The following FOXN4 variants were observed in gnomAD, a reference collection of about 807,000 sequenced individuals.
FOXN4 encodes the protein forkhead box N4, also known as forkhead box protein N4.
Under a neutral mutation model 45.0 loss-of-function variants are expected in FOXN4, and 12 were observed. The observed-to-expected ratio is 0.27, with a 90% CI of 0.17 to 0.43. The LOEUF is 0.43. FOXN4 is among the 20% of genes least tolerant of loss of function. FOXN4 has a pLI of 1.00. For missense variants in FOXN4, 560 were observed against 694.9 expected (o/e 0.81, Z 2.18); for synonymous variants, 297 against 295.0 (o/e 1.01, Z -0.07).
intron 9 of FOXN4, 47 bp downstream of exon 9, chr12:109,281,360 T>C: frequency 6.3e-7 from 1 of 1,599,928 alleles, no homozygotes; most frequent in African/African-American, 1.3e-5. Context: ...CCCCCGGGCC[T>C]CTCCCCTCCC....
chr12:109,285,436 T>G lies in FOXN4; in HGVS notation c.769A>C (p.Lys257Gln), dbSNP rs147176302. ...LNKCFEKVEN[K>Q]MSGSSRKGCL... Reference sequence around the variant, plus strand: ...CCCTTGCGGGAGGAGCCGCTCATCTTGTTCTCCACCTTCTCGAAGCACTTG... The same window carrying G: ...CCCTTGCGGGAGGAGCCGCTCATCTGGTTCTCCACCTTCTCGAAGCACTTG... The change falls in exon 8 of 10, where the codon AAG becomes CAG. Residue 257 changes from lysine to glutamine, a missense_variant. Lys to Gln is a moderately conservative substitution (Grantham distance 53, BLOSUM62 1). Transcript: ENST00000299162. 5.7e-4 allele frequency: 919 copies of G among 1,613,970 alleles called. 1 individual carries two copies. The highest frequency in any genetic ancestry group is 8.2e-4 in the Middle Eastern group (5 of 6,084).
At chr12:109,284,146 T>C (rs1327362396) in intron 8 of FOXN4, among the ~76,000 whole-genome samples, 1 of 152,272 alleles carries the variant, frequency 6.6e-6, no homozygotes, top group Non-Finnish European at 1.5e-5. Flanking sequence ...TAAACATCTC[T>C]GACAATGTGG....
At position 109,288,323 on chromosome 12, in the gene FOXN4, C is replaced by G. The variant is rs117979214; in HGVS notation, c.233-143G>C. ...CACATAGTAGGTGCTTGGCAAATCACTTCCCTGGTGTGTAGTGAAAAGTAG... is the reference window on the plus strand; with the variant it reads ...CACATAGTAGGTGCTTGGCAAATCAGTTCCCTGGTGTGTAGTGAAAAGTAG... On this transcript the variant is annotated intron_variant, in intron 3 of 9. Transcript: ENST00000299162. The surrounding 1 kb of genome is among the most constrained non-coding windows in gnomAD (Gnocchi z 4.3). The G allele has an allele frequency of 1.7e-6, 2 of 1,183,634 alleles. No individual in the cohort carries two copies. Among genetic ancestry groups the G allele is most frequent in the Admixed American group, 6.1e-5 (2 of 32,778 alleles). 73.3% of individuals were successfully genotyped at this position (1,183,634 alleles called of 1,614,324 possible). A position where few individuals can be genotyped will look rare whatever the true frequency, so the allele number is the denominator to read the frequency against.
chr12:109,288,244 C>CCCAGTG lies in FOXN4; in HGVS notation c.233-70_233-65dup, dbSNP rs2047734588. The CCCAGTG allele has an allele frequency of 2.0e-6, 3 of 1,519,824 alleles. No individual in the cohort carries two copies. The highest frequency in any genetic ancestry group is 2.6e-6 in the Non-Finnish European group (3 of 1,139,778). 94.1% of individuals were successfully genotyped at this position (1,519,824 alleles called of 1,614,324 possible). On this transcript the variant is annotated intron_variant, in intron 3 of 9. Transcript: ENST00000299162. The surrounding 1 kb of genome is among the most constrained non-coding windows in gnomAD (Gnocchi z 4.3). ...GAATGGTGGCTGCCACCAGGAACAG[C>CCCAGTG]CCAGTGCCCAGGTGTCTCCGGAGAA... is the stretch of plus-strand genomic sequence containing the variant.
At position 109,306,544 on chromosome 12, in the gene FOXN4, A is replaced by G. The variant is rs546222316; in HGVS notation, c.86+1692T>C. On this transcript the variant is annotated intron_variant, in intron 2 of 9. Transcript: ENST00000299162. ...GGGCAGAAGTAGATTCACCCTGGAT[A>G]CATTCAGTGCCTGCTGGGTGTCAGG... 4.1e-4 allele frequency among the ~76,000 whole-genome samples: 62 copies of G among 152,358 alleles called. 1 individual carries two copies. The highest frequency in any genetic ancestry group is 3.4e-3 in the Admixed American group (52 of 15,310).
In FOXN4 at chr12:109,287,242, G is replaced by A. The variant is rs2136922129; in HGVS notation, c.596+155C>T. The stretch of plus-strand genomic sequence containing the variant: ...GGGGGACCCTATGATGCGCCTTCCT[G>A]AGAACAAGTCCCACCTGGGGGTTCC... On this transcript the variant is annotated intron_variant, in intron 6 of 9. Coordinates refer to ENST00000299162, the MANE Select transcript of FOXN4 (RefSeq NM_213596.3). This position sits in a 1 kb window ranked among gnomAD's most constrained non-coding sequence, Gnocchi z 4.1. Among the ~76,000 whole-genome samples, 1 of 152,278 alleles carries A rather than the reference G, an allele frequency of 6.6e-6. No individual in the cohort carries two copies. Among genetic ancestry groups the A allele is most frequent in the Non-Finnish European group, 1.5e-5 (1 of 68,012 alleles).
chr12:109,285,308 G>C lies in FOXN4; in HGVS notation c.897C>G (p.Asn299Lys). 1 of 1,605,410 alleles carries C rather than the reference G, an allele frequency of 6.2e-7. No homozygotes were observed. Among genetic ancestry groups the C allele is most frequent in the Non-Finnish European group, 8.5e-7 (1 of 1,176,444 alleles). The part of the protein sequence containing the change: ...DLAAIHRSMA[N>K]PEELDKLISD... ...TGCGGGCTGTCCGGCCCTCACCAGG[G>C]TTGGCCATACTCCGGTGGATGGCAG... is the stretch of plus-strand genomic sequence containing the variant. Residue 299 changes from asparagine to lysine, a missense_variant, in exon 8 of 10, where the codon AAC (asparagine) becomes AAG (lysine). Physicochemically the swap from Asn to Lys is moderately conservative, Grantham distance 94. Around this residue, in one of 5 missense-constraint regions of FOXN4, gnomAD observed 315 missense variants for 350.5 expected, o/e 0.90. Coordinates refer to ENST00000299162, the MANE Select transcript of FOXN4 (RefSeq NM_213596.3).
At chr12:109,284,060 CA>C (rs1365165075) in intron 8 of FOXN4, among the ~76,000 whole-genome samples, 1 of 152,244 alleles carries the variant, frequency 6.6e-6, no homozygotes, top group Non-Finnish European at 1.5e-5. Flanking sequence ...AAAAGTTTAA[CA>C]GCTTAAATTC....
intron 6 of FOXN4, 142 bp from the exon 7 acceptor site, chr12:109,286,886 CTCAATA>C: frequency 7.0e-7 from 1 of 1,434,690 alleles, no homozygotes; most frequent in Non-Finnish European, 9.1e-7. Context: ...ACAGTGAGCT[CTCAATA>C]TCTTTTCATG....
intron 8 of FOXN4, among the ~76,000 whole-genome samples, chr12:109,282,026 G>A (rs921790158): frequency 8.5e-5 from 13 of 152,190 alleles, no homozygotes; most frequent in East Asian, 7.7e-4. Flanking sequence ...ACTTCTCTGC[G>A]TCCTAGCCCA....
At chr12:109,295,227 C>CAG (rs1454263948) in intron 2 of FOXN4, among the ~76,000 whole-genome samples, 1 of 152,198 alleles carries the variant, frequency 6.6e-6, no homozygotes, top group Non-Finnish European at 1.5e-5. Context: ...GAGAGCCACA[C>CAG]AGAGAGAGAC....
rs546361273 is a variant in FOXN4 at position 109,287,691 on chromosome 12, T to C, written c.468+153A>G. 1.3e-5 allele frequency among the ~76,000 whole-genome samples: 2 copies of C among 152,222 alleles called. No individual in the cohort carries two copies. The highest frequency in any genetic ancestry group is 4.8e-5 in the African/African-American group (2 of 41,458). Reference sequence around the variant, plus strand: ...TTGTCTCCACTCAGGGCAGGAGTTTTGGGGGAACGGAATGAATGACCCCAT... The same window carrying C: ...TTGTCTCCACTCAGGGCAGGAGTTTCGGGGGAACGGAATGAATGACCCCAT... On this transcript the variant is annotated intron_variant, in intron 5 of 9. Coordinates refer to ENST00000299162, the MANE Select transcript of FOXN4 (RefSeq NM_213596.3). The surrounding 1 kb of genome is among the most constrained non-coding windows in gnomAD (Gnocchi z 4.1).
chr12:109,306,452 T>G (rs1462528449), intron 2 of FOXN4, among the ~76,000 whole-genome samples: 1 of 152,224 alleles, frequency 6.6e-6, no homozygotes, highest in East Asian at 1.9e-4. Flanking sequence ...ACAGTAAGAT[T>G]CAATGTCTTT....
At position 109,290,648 on chromosome 12, in the gene FOXN4, T is replaced by C. The variant is rs2047758909; in HGVS notation, c.87-362A>G. On this transcript the variant is annotated intron_variant, in intron 2 of 9. Coordinates refer to ENST00000299162, the MANE Select transcript of FOXN4 (RefSeq NM_213596.3). The surrounding 1 kb of genome is among the most constrained non-coding windows in gnomAD (Gnocchi z 5.1). ...GGTGTTATTATTCCTATTTTACAGATGGGGAAACCGAGGCACAGTTGGAGC... is the reference window on the plus strand; with the variant it reads ...GGTGTTATTATTCCTATTTTACAGACGGGGAAACCGAGGCACAGTTGGAGC... Among the ~76,000 whole-genome samples the C allele has an allele frequency of 6.6e-6, 1 of 152,108 alleles. No homozygotes were observed. The highest frequency in any genetic ancestry group is 2.4e-5 in the African/African-American group (1 of 41,414).
In FOXN4 at chr12:109,285,845, G is replaced by A. The variant is rs1428216222; in HGVS notation, c.694-334C>T. ...GATGCCAATAAATGGATAACTGATCGAGTGTATTCAATGCAAATTTACTTT... is the reference window on the plus strand; with the variant it reads ...GATGCCAATAAATGGATAACTGATCAAGTGTATTCAATGCAAATTTACTTT... On this transcript the variant is annotated intron_variant, in intron 7 of 9. Coordinates refer to ENST00000299162, the MANE Select transcript of FOXN4 (RefSeq NM_213596.3). Among the ~76,000 whole-genome samples the A allele has an allele frequency of 3.3e-5, 5 of 151,332 alleles. No individual in the cohort carries two copies. In the Admixed American group the frequency reaches 3.3e-4, roughly 10 times the overall value.
chr12:109,280,053 G>C, intron 9 of FOXN4, 123 bp from the exon 10 acceptor site: 1 of 1,384,192 alleles, frequency 7.2e-7, no homozygotes, highest in South Asian at 1.3e-5. Flanking sequence ...TGTAGAAAAA[G>C]GGCATGGGGC....
At position 109,279,713 on chromosome 12, in the gene FOXN4, C is replaced by T; in HGVS notation, c.1512G>A (p.Gln504=). 6.3e-7 allele frequency: 1 copy of T among 1,575,172 alleles called. No individual in the cohort carries two copies. The highest frequency in any genetic ancestry group is 2.4e-5 in the East Asian group (1 of 42,520). Residue 504 remains glutamine, a synonymous_variant, in exon 10 of 10, where the codon CAG becomes CAA. Coordinates refer to ENST00000299162, the MANE Select transcript of FOXN4 (RefSeq NM_213596.3). ...VAASGTSSSS[Q]YLGAQGNKPI... ...GCTTGTTCCCCTGTGCACCCAGGTA[C>T]TGGGAGGAGGAGCTGGTGCCCGATG...
intron 6 of FOXN4, 29 bp from the exon 7 acceptor site, chr12:109,286,773 GCAGGGCAGGA>G (rs750469840): frequency 6.3e-7 from 1 of 1,582,064 alleles, no homozygotes; most frequent in Non-Finnish European, 8.5e-7. Context: ...GCAGGGCAGG[GCAGGGCAGGA>G]CAGGGCAGGC....
At chr12:109,299,612 C>G (rs1333990701) in intron 2 of FOXN4, among the ~76,000 whole-genome samples, 1 of 152,174 alleles carries the variant, frequency 6.6e-6, no homozygotes, top group Non-Finnish European at 1.5e-5. Flanking sequence ...TTAGGCAGTC[C>G]CCCCTCTGCC....
Sources: gnomAD v4.1 joint callset for allele counts (sites outside exome capture counted in the v4.1 genomes callset) on GRCh38, gnomAD v4.1.1 for gene constraint, gnomAD v4.1.1 regional missense constraint, Gnocchi (gnomAD v3.1) non-coding constraint, MANE v1.5 for transcripts, NCBI Gene and HGNC (gene_info 2026-07-23, HGNC 2026-07-21) for gene names.